LUC7L: variants seen among roughly 807,000 people sequenced by gnomAD.
The protein encoded by LUC7L is putative RNA-binding protein Luc7-like 1.
In LUC7L, 29 loss-of-function variants were observed where a neutral mutation model predicts 51.1. The observed-to-expected ratio is 0.57, with a 90% confidence interval of 0.42 to 0.77. LUC7L has a LOEUF of 0.77. Ranked by LOEUF, LUC7L falls within the 30% of genes least tolerant of loss-of-function variation. LUC7L has a pLI of 0.00. For synonymous variants in LUC7L, 181 were observed against 180.7 expected, an observed-to-expected ratio of 1.00 and a Z score of -0.01; for missense variants, 403 against 511.9, an observed-to-expected ratio of 0.79 and a Z score of 2.05.
At chr16:219,296 G>A (rs370802968) in intron 3 of LUC7L, among the ~76,000 whole-genome samples, 4 of 152,262 alleles carry the variant, frequency 2.6e-5, no homozygotes, top group South Asian at 4.1e-4. Context: ...GGCTAAGGCA[G>A]GAGAATCACT....
intron 5 of LUC7L, among the ~76,000 whole-genome samples, chr16:200,503 G>C (rs1320731384): frequency 6.6e-6 from 1 of 151,820 alleles, no homozygotes; most frequent in Non-Finnish European, 1.5e-5. Flanking sequence ...TTAAGCCCAG[G>C]AGGTGGAGGT....
At chr16:222,672 CTT>C (rs2050006481) in intron 2 of LUC7L, among the ~76,000 whole-genome samples, 1 of 149,758 alleles carries the variant, frequency 6.7e-6, no homozygotes, top group Non-Finnish European at 1.5e-5. Context: ...GAGTTTCGCT[CTT>C]GTTGCCCAGA....
At chr16:228,984 G>A in intron 1 of LUC7L, 3 of 1,431,360 alleles carry the variant, frequency 2.1e-6, no homozygotes, top group East Asian at 6.0e-5. Flanking sequence ...TCGCGGAGGG[G>A]CACGGAGCCG....
At chr16:221,114 G>A (rs950897852) in intron 2 of LUC7L, among the ~76,000 whole-genome samples, 5 of 151,224 alleles carry the variant, frequency 3.3e-5, no homozygotes, top group African/African-American at 4.9e-5. Flanking sequence ...CTGCCTCCGG[G>A]GTTCAGGCAA....
At chr16:217,795 T>G (rs1448776878) in intron 3 of LUC7L, among the ~76,000 whole-genome samples, 1 of 147,072 alleles carries the variant, frequency 6.8e-6, no homozygotes, top group South Asian at 2.2e-4. Flanking sequence ...TCACAACACT[T>G]TGGGAGGCCA....
chr16:206,482 C>T (rs1412517321), intron 4 of LUC7L, among the ~76,000 whole-genome samples: 1 of 152,054 alleles, frequency 6.6e-6, no homozygotes, highest in Non-Finnish European at 1.5e-5. Context: ...TAAGCTGTAA[C>T]CAAAATACCT....
intron 5 of LUC7L, among the ~76,000 whole-genome samples, chr16:203,713 G>C (rs1189279237): frequency 3.4e-5 from 4 of 118,100 alleles, no homozygotes; most frequent in Admixed American, 8.7e-5. Flanking sequence ...CTCAGGGCGG[G>C]GGGCGGGGTG....
chr16:222,366 G>T (rs1293170852), intron 2 of LUC7L, among the ~76,000 whole-genome samples: 3 of 149,406 alleles, frequency 2.0e-5, no homozygotes, highest in African/African-American at 7.4e-5. Context: ...ACCAGTTGCA[G>T]TGGCACATGT....
At chr16:189,902 A>C in intron 9 of LUC7L, 66 bp downstream of exon 9, 2 of 1,559,346 alleles carry the variant, frequency 1.3e-6, no homozygotes, top group Non-Finnish European at 1.7e-6. Context: ...GGCCCTCAGC[A>C]GACCCTGGGA....
intron 2 of LUC7L, among the ~76,000 whole-genome samples, chr16:225,504 G>C (rs367556801): frequency 1.7e-4 from 6 of 35,942 alleles, no homozygotes; most frequent in Non-Finnish European, 2.9e-4. Flanking sequence ...TTTTTTTTTT[G>C]AGACAGAGTT....
intron 2 of LUC7L, among the ~76,000 whole-genome samples, chr16:226,450 C>T (rs1190371394): frequency 6.6e-6 from 1 of 152,140 alleles, no homozygotes; most frequent in East Asian, 1.9e-4. Context: ...AATAAATGCA[C>T]ATTATACAAA....
At chr16:205,567 A>G (rs958506193) in intron 5 of LUC7L, among the ~76,000 whole-genome samples, 5 of 152,128 alleles carry the variant, frequency 3.3e-5, no homozygotes, top group African/African-American at 1.2e-4. Context: ...TTAGCTATGA[A>G]GCTAAAACTG....
chr16:202,736 G>C (rs1187122296), intron 5 of LUC7L, among the ~76,000 whole-genome samples: 2 of 151,944 alleles, frequency 1.3e-5, no homozygotes, highest in African/African-American at 4.8e-5. Flanking sequence ...ACTAATATCA[G>C]AAATGAAAGA....
intron 6 of LUC7L, among the ~76,000 whole-genome samples, chr16:194,855 A>T (rs1254988589): frequency 6.6e-6 from 1 of 152,182 alleles, no homozygotes; most frequent in Non-Finnish European, 1.5e-5. Context: ...TATCAACTCT[A>T]AGACATTTAA....
intron 6 of LUC7L, among the ~76,000 whole-genome samples, chr16:193,422 G>A (rs1198271560): frequency 6.6e-6 from 1 of 152,014 alleles, no homozygotes; most frequent in Non-Finnish European, 1.5e-5. Context: ...TGGGATTACA[G>A]GCATGAGCCA....
intron 1 of LUC7L, chr16:228,268 A>T (rs769059969): frequency 3.8e-6 from 5 of 1,301,058 alleles, no homozygotes; most frequent in Non-Finnish European, 5.1e-6. Flanking sequence ...ACACTTTTAA[A>T]GTTACTTGTG....
chr16:198,095 C>T (rs530640413), intron 6 of LUC7L, among the ~76,000 whole-genome samples: 2 of 151,674 alleles, frequency 1.3e-5, no homozygotes, highest in Non-Finnish European at 2.9e-5. Context: ...GATGAAGCCC[C>T]GTCTCTACTA....
chr16:207,645 C>A (rs1327446812), intron 4 of LUC7L, among the ~76,000 whole-genome samples: 1 of 152,238 alleles, frequency 6.6e-6, no homozygotes, highest in African/African-American at 2.4e-5. Flanking sequence ...TGCTTGATCA[C>A]AGCCCTCTAT....
chr16:205,275 G>T (rs539775540), intron 5 of LUC7L, among the ~76,000 whole-genome samples: 2 of 152,078 alleles, frequency 1.3e-5, no homozygotes, highest in Non-Finnish European at 1.5e-5. Context: ...TCAGCCTCCC[G>T]AACAGCTGAG....
Sources: allele counts gnomAD v4.1 joint callset (sites outside exome capture counted in the v4.1 genomes callset), GRCh38; gene constraint gnomAD v4.1.1; transcripts MANE v1.5; gene names NCBI Gene and HGNC (gene_info 2026-07-23, HGNC 2026-07-21).